PROKR2: variants seen among roughly 807,000 people sequenced by gnomAD.
PROKR2 encodes G protein-coupled receptor 73-like 1.
In PROKR2, 26 loss-of-function variants were observed where a neutral mutation model predicts 23.4. The ratio of observed to expected loss-of-function variants is 1.11; its 90% CI spans 0.81 to 1.54. The LOEUF (loss-of-function observed/expected upper bound fraction) is 1.54, where lower values mean the gene tolerates loss of function less well. Ranked by LOEUF, PROKR2 falls within the 40% of genes most tolerant of loss-of-function variation. The pLI is 0.00. For missense variants in PROKR2, 453 were observed against 511.5 expected, an observed-to-expected ratio of 0.89 and a Z score of 1.10; for synonymous variants, 212 against 201.2, an observed-to-expected ratio of 1.05 and a Z score of -0.45.
Position 5,300,352 on chromosome 20 carries a change from C to A in PROKR2, c.*1688G>T, listed in dbSNP as rs1333164678. Among the ~76,000 whole-genome samples, 4 of 152,172 alleles carry A rather than the reference C, an allele frequency of 2.6e-5. No homozygotes were observed. The highest frequency in any genetic ancestry group is 5.9e-5 in the Non-Finnish European group (4 of 68,030). The stretch of plus-strand genomic sequence containing the variant: ...AAATTTCCCAGATTATAACCAAGAA[C>A]AGGGATCCCTTTTTGGCCCACTGTA... On this transcript the variant is annotated 3_prime_UTR_variant, in exon 3 of 3. Transcript: ENST00000678254.
chr20:5,314,429 C>T lies in PROKR2; in HGVS notation c.-8-52G>A, dbSNP rs1979579557. The T allele has an allele frequency of 4.8e-6, 7 of 1,445,494 alleles. No homozygotes were observed. The East Asian group carries it at 1.6e-4, about 33-fold the overall frequency. The allele number at this position is 1,445,494 out of a possible 1,614,324, so 89.5% of individuals were successfully genotyped here. ...TGCGAGGGGTGAGGGTCCAGACCTT[C>T]TGCTCTTTCAGGGTCAGTGAGCCTA... On this transcript the variant is annotated intron_variant, in intron 1 of 2. Coordinates refer to ENST00000678254, the MANE Select transcript of PROKR2 (RefSeq NM_144773.4).
chr20:5,314,433 T>C, intron 1 of PROKR2, 56 bp from the exon 2 acceptor site: 1 of 1,392,602 alleles, frequency 7.2e-7, no homozygotes, highest in Admixed American at 1.7e-5. Context: ...GACCTTCTGC[T>C]CTTTCAGGGT....
chr20:5,302,841 T>C, intron 2 of PROKR2, 105 bp from the exon 3 acceptor site: 1 of 818,180 alleles, frequency 1.2e-6, no homozygotes, highest in Non-Finnish European at 2.0e-6. Context: ...TGAATCCTCA[T>C]GTACTTGTTA....
chr20:5,315,697 T>G (rs1375295542), intron 1 of PROKR2: 1 of 364,352 alleles, frequency 2.7e-6, no homozygotes, highest in Non-Finnish European at 5.5e-6. Flanking sequence ...GCCCGCCAGC[T>G]GCTTTCCCAA....
intron 2 of PROKR2, among the ~76,000 whole-genome samples, chr20:5,311,754 A>G (rs1462409532): frequency 2.0e-5 from 3 of 152,186 alleles, no homozygotes; most frequent in Non-Finnish European, 4.4e-5. Flanking sequence ...AAAAATGTGA[A>G]AAGAGAGACT....
At chr20:5,305,294 G>A (rs545395500) in intron 2 of PROKR2, among the ~76,000 whole-genome samples, 68 of 152,326 alleles carry the variant, frequency 4.5e-4, no homozygotes, top group African/African-American at 1.5e-3. Flanking sequence ...TAGTGCTGCA[G>A]TAGATTTATG....
chr20:5,314,620 C>A (rs572995552), intron 1 of PROKR2, among the ~76,000 whole-genome samples: 1 of 152,294 alleles, frequency 6.6e-6, no homozygotes, highest in South Asian at 2.1e-4. Context: ...ACCCGGGATG[C>A]GGGGAGAGGA....
chr20:5,313,807 A>T, intron 2 of PROKR2, 105 bp downstream of exon 2: 1 of 969,932 alleles, frequency 1.0e-6, no homozygotes, highest in Non-Finnish European at 1.6e-6. Flanking sequence ...CCCTCCAAAG[A>T]TTGGTGAGCA....
chr20:5,309,928 CAAAT>C (rs1372914968), intron 2 of PROKR2, among the ~76,000 whole-genome samples: 2 of 152,222 alleles, frequency 1.3e-5, no homozygotes, highest in African/African-American at 4.8e-5. Flanking sequence ...GAGTTGTCAT[CAAAT>C]AAATCAGAAA....
chr20:5,300,337 G>A lies in PROKR2; in HGVS notation c.*1703C>T, dbSNP rs180795111. Among the ~76,000 whole-genome samples the A allele has an allele frequency of 5.3e-5, 8 of 152,292 alleles. No homozygotes were observed. The highest frequency in any genetic ancestry group is 7.4e-5 in the Non-Finnish European group (5 of 68,024). ...TGAGAATCTGAGGTTAAATTTCCCA[G>A]ATTATAACCAAGAACAGGGATCCCT... On this transcript the variant is annotated 3_prime_UTR_variant, in exon 3 of 3. Transcript: ENST00000678254.
Position 5,302,754 on chromosome 20 carries a change from C to T in PROKR2, c.459-18G>A. The T allele has an allele frequency of 6.3e-7, 1 of 1,583,194 alleles. No homozygotes were observed. Among genetic ancestry groups the T allele is most frequent in the South Asian group, 1.1e-5 (1 of 90,396 alleles). ...CGAGATATCTGGTGGGGGAGGGAAG[C>T]CAACAGTAGTAATGATGAATACGTG... On this transcript the variant is annotated intron_variant, in intron 2 of 2. Coordinates refer to ENST00000678254, the MANE Select transcript of PROKR2 (RefSeq NM_144773.4).
chr20:5,308,144 T>A (rs1046611050), intron 2 of PROKR2, among the ~76,000 whole-genome samples: 1 of 152,146 alleles, frequency 6.6e-6, no homozygotes, highest in Non-Finnish European at 1.5e-5. Context: ...AAGCTGCCTT[T>A]GCTTTTATCG....
At position 5,302,575 on chromosome 20, in the gene PROKR2, A is replaced by G. The variant is rs773937171; in HGVS notation, c.620T>C (p.Phe207Ser). 3 of 1,614,180 alleles carry G rather than the reference A, an allele frequency of 1.9e-6. No individual in the cohort carries two copies. The highest frequency in any genetic ancestry group is 2.2e-5 in the East Asian group (1 of 44,884). ...LFIVKSQEKIFCGQIWPVDQQ... is the reference protein window; with the variant it reads ...LFIVKSQEKISCGQIWPVDQQ... Reference sequence around the variant, plus strand: ...ATCCACAGGCCAGATCTGGCCACAGAAGATCTTCTCCTGGCTCTTGACAAT... The same window carrying G: ...ATCCACAGGCCAGATCTGGCCACAGGAGATCTTCTCCTGGCTCTTGACAAT... Residue 207 changes from phenylalanine to serine, a missense_variant, in exon 3 of 3, where the codon TTC becomes TCC. Coordinates refer to ENST00000678254, the MANE Select transcript of PROKR2 (RefSeq NM_144773.4).
intron 1 of PROKR2, 102 bp from the exon 2 acceptor site, chr20:5,314,479 G>A: frequency 1.1e-6 from 1 of 947,848 alleles, no homozygotes; most frequent in Non-Finnish European, 1.7e-6. Flanking sequence ...TCCTTGGGGA[G>A]AGTTGACTCA....
At position 5,302,454 on chromosome 20, in the gene PROKR2, G is replaced by A; in HGVS notation, c.741C>T (p.Ser247=). 3 of 1,614,184 alleles carry A rather than the reference G, an allele frequency of 1.9e-6. No homozygotes were observed. Among genetic ancestry groups the A allele is most frequent in the Non-Finnish European group, 2.5e-6 (3 of 1,180,042 alleles). ...VTMTLCYARI[S]RELWFKAVPG... ...GGACTGCCTTGAACCAGAGCTCCCGGGAGATCCTGGCATAGCACAGGGTCA... is the reference window on the plus strand; with the variant it reads ...GGACTGCCTTGAACCAGAGCTCCCGAGAGATCCTGGCATAGCACAGGGTCA... The change falls in exon 3 of 3, where the codon TCC becomes TCT. Residue 247 remains serine, a synonymous_variant. Coordinates refer to ENST00000678254, the MANE Select transcript of PROKR2 (RefSeq NM_144773.4).
At chr20:5,315,683 G>T (rs1295258905) in intron 1 of PROKR2, 2 of 362,498 alleles carry the variant, frequency 5.5e-6, no homozygotes, top group Non-Finnish European at 1.1e-5. Context: ...CTAACCTGGG[G>T]TGCGCCCGCC....
chr20:5,309,349 C>A (rs1437431723), intron 2 of PROKR2, among the ~76,000 whole-genome samples: 1 of 152,208 alleles, frequency 6.6e-6, no homozygotes, highest in East Asian at 1.9e-4. Context: ...GTTGGCAAGG[C>A]AGCATTTCTT....
Position 5,303,579 on chromosome 20 carries a change from C to T in PROKR2, c.459-843G>A, listed in dbSNP as rs78753298. Reference sequence around the variant, plus strand: ...ACTGTCTTGGAGACAGATTGGAGCCCTTTGTGGGAAATGAGCTCATTTGTG... The same window carrying T: ...ACTGTCTTGGAGACAGATTGGAGCCTTTTGTGGGAAATGAGCTCATTTGTG... On this transcript the variant is annotated intron_variant, in intron 2 of 2. Transcript: ENST00000678254. Among the ~76,000 whole-genome samples the T allele has an allele frequency of 2.2e-3, 331 of 152,202 alleles. 4 individuals carry two copies. The South Asian group carries it at 0.034, about 16-fold the overall frequency.
chr20:5,302,195 C>G lies in PROKR2; in HGVS notation c.1000G>C (p.Val334Leu), dbSNP rs371564610. 1.2e-6 allele frequency: 2 copies of G among 1,614,210 alleles called. No individual in the cohort carries two copies. The highest frequency in any genetic ancestry group is 3.3e-5 in the Admixed American group (2 of 60,028). The change falls in exon 3 of 3, where the codon GTG becomes CTG. Residue 334 changes from valine (V) to leucine (L), a missense_variant. Physicochemically the swap from Val to Leu is conservative, Grantham distance 32. Transcript: ENST00000678254. ...TTCATGGTGTTGTTCTTGACCGTCA[C>G]GAAGCACACGGTGTTGATCATGCTG... ...SNSMINTVCFVTVKNNTMKYF... is the reference protein window; with the variant it reads ...SNSMINTVCFLTVKNNTMKYF...
Sources: gnomAD v4.1 joint callset for allele counts (sites outside exome capture counted in the v4.1 genomes callset) on GRCh38, gnomAD v4.1.1 for gene constraint, MANE v1.5 for transcripts, NCBI Gene and HGNC (gene_info 2026-07-23, HGNC 2026-07-21) for gene names.